The following CRTAM variants were observed in gnomAD, a reference collection of about 807,000 sequenced individuals.
The protein encoded by CRTAM is cytotoxic and regulatory T cell molecule.
Under a neutral mutation model 50.0 loss-of-function variants are expected in CRTAM, and 44 were observed. The ratio of observed to expected loss-of-function variants is 0.88; its 90% confidence interval spans 0.69 to 1.13. The LOEUF (loss-of-function observed/expected upper bound fraction) is 1.13, where lower values mean the gene tolerates loss of function less well. Among genes scored for constraint, CRTAM ranks in the 50% most tolerant of loss-of-function variants. The probability of loss-of-function intolerance (pLI) is 0.00; values close to 1 mark genes in which losing one functional copy is unlikely to be tolerated. For missense variants in CRTAM, 448 were observed against 457.5 expected (o/e 0.98, Z 0.19); for synonymous variants, 159 against 169.3 (o/e 0.94, Z 0.47).
chr11:122,866,073 C>T (rs1439391985), intron 7 of CRTAM, among the ~76,000 whole-genome samples: 1 of 152,180 alleles, frequency 6.6e-6, no homozygotes, highest in Non-Finnish European at 1.5e-5. Context: ...CCCTTTATAG[C>T]TTCCTGAAGT....
chr11:122,845,107 A>G (rs905642858), intron 1 of CRTAM, among the ~76,000 whole-genome samples: 3 of 152,170 alleles, frequency 2.0e-5, no homozygotes, highest in African/African-American at 7.2e-5. Context: ...GATGAGAAGA[A>G]CCCGGAAATA....
intron 2 of CRTAM, 89 bp from the exon 3 acceptor site, chr11:122,851,604 C>A: frequency 1.8e-6 from 2 of 1,130,024 alleles, no homozygotes; most frequent in Non-Finnish European, 1.3e-6. Context: ...ATGTAGAAAG[C>A]GGGGCAGTGC....
intron 1 of CRTAM, among the ~76,000 whole-genome samples, chr11:122,840,190 A>G (rs1479939617): frequency 3.3e-5 from 5 of 152,194 alleles, no homozygotes; most frequent in Admixed American, 6.5e-5. Flanking sequence ...TTACTTAAAT[A>G]TTATTTATAT....
intron 5 of CRTAM, among the ~76,000 whole-genome samples, chr11:122,861,151 C>T (rs1862068334): frequency 6.6e-6 from 1 of 151,890 alleles, no homozygotes; most frequent in African/African-American, 2.4e-5. Context: ...ATACTATTAT[C>T]TCTATAATGT....
intron 5 of CRTAM, chr11:122,862,239 G>A: frequency 3.6e-6 from 2 of 558,794 alleles, no homozygotes; most frequent in Non-Finnish European, 3.2e-6. Flanking sequence ...CCACACAGAG[G>A]TCCAGCATGC....
intron 9 of CRTAM, 27 bp from the exon 10 acceptor site, chr11:122,871,242 T>C (rs1862248196): frequency 2.5e-6 from 4 of 1,588,424 alleles, no homozygotes; most frequent in African/African-American, 2.7e-5. Flanking sequence ...AAAATAAATA[T>C]TCATCTTCAA....
intron 8 of CRTAM, 67 bp from the exon 9 acceptor site, chr11:122,867,946 A>T: frequency 1.1e-6 from 1 of 951,450 alleles, no homozygotes; most frequent in Non-Finnish European, 1.7e-6. Flanking sequence ...GTATTATCTT[A>T]TTCAAATATA....
At chr11:122,849,487 C>T (rs532048852) in intron 1 of CRTAM, among the ~76,000 whole-genome samples, 2 of 152,036 alleles carry the variant, frequency 1.3e-5, no homozygotes, top group Non-Finnish European at 2.9e-5. Context: ...TTTGGGAGGC[C>T]GAGGTGGGCA....
chr11:122,841,643 G>A (rs915695727), intron 1 of CRTAM, among the ~76,000 whole-genome samples: 1 of 151,880 alleles, frequency 6.6e-6, no homozygotes, highest in Non-Finnish European at 1.5e-5. Context: ...CTCATGATCC[G>A]CCTGCCTCAG....
chr11:122,851,659 T>C, intron 2 of CRTAM, 34 bp from the exon 3 acceptor site: 1 of 1,609,268 alleles, frequency 6.2e-7, no homozygotes, highest in South Asian at 1.1e-5. Flanking sequence ...TCGGATATCT[T>C]TCCTCATAAC....
chr11:122,868,935 G>A (rs1022768150), intron 9 of CRTAM, among the ~76,000 whole-genome samples: 9 of 152,094 alleles, frequency 5.9e-5, no homozygotes, highest in African/African-American at 2.2e-4. Flanking sequence ...CGTGAACCCG[G>A]GAGGCGGAGC....
At position 122,854,049 on chromosome 11, in the gene CRTAM, G is replaced by A. The variant is rs1861970704; in HGVS notation, c.453G>A (p.Gln151=). The change falls in exon 4 of 10, where the codon CAG becomes CAA. Residue 151 remains glutamine (Q), a synonymous_variant. Coordinates refer to ENST00000227348, the MANE Select transcript of CRTAM (RefSeq NM_019604.4). ...CCATGAGAAGCAAGCCCCCTCCGCAGATAACCTGGCTACTTGGGAATAGCA... is the reference window on the plus strand; with the variant it reads ...CCATGAGAAGCAAGCCCCCTCCGCAAATAACCTGGCTACTTGGGAATAGCA... The part of the protein sequence containing the change: ...CSTMRSKPPP[Q]ITWLLGNSME... 2 of 1,614,096 alleles carry A rather than the reference G, an allele frequency of 1.2e-6. No individual in the cohort carries two copies. Among genetic ancestry groups the A allele is most frequent in the South Asian group, 1.1e-5 (1 of 91,048 alleles).
Position 122,871,350 on chromosome 11 carries a change from A to T in CRTAM, c.1133A>T (p.His378Leu), listed in dbSNP as rs1446841743. 6.2e-7 allele frequency: 1 copy of T among 1,613,898 alleles called. No individual in the cohort carries two copies. Among genetic ancestry groups the T allele is most frequent in the South Asian group, 1.1e-5 (1 of 91,058 alleles). The change falls in exon 10 of 10, where the codon CAT becomes CTT. Residue 378 changes from histidine (H) to leucine (L), a missense_variant. Coordinates refer to ENST00000227348, the MANE Select transcript of CRTAM (RefSeq NM_019604.4). ...ACAAAGAGGAAGGAAAATGTACAAC[A>T]TTCAAAATTAGAAGAAAAGCACATC... is the stretch of plus-strand genomic sequence containing the variant. ...AKTKRKENVQHSKLEEKHIQV... is the reference protein window; with the variant it reads ...AKTKRKENVQLSKLEEKHIQV...
chr11:122,864,720 G>C lies in CRTAM; in HGVS notation c.817+1G>C, dbSNP rs751560940. 25 of 1,602,452 alleles carry C rather than the reference G, an allele frequency of 1.6e-5. No homozygotes were observed. The highest frequency in any genetic ancestry group is 1.7e-5 in the Admixed American group (1 of 59,958). On this transcript the variant is annotated splice_donor_variant, in intron 7 of 9. Coordinates refer to ENST00000227348, the MANE Select transcript of CRTAM (RefSeq NM_019604.4). LOFTEE classifies it high-confidence loss of function. ...ACTCAAGATCCTGACTTGACCACCGGTAAGTGTCACCCACTGCATTTAGAA... is the reference window on the plus strand; with the variant it reads ...ACTCAAGATCCTGACTTGACCACCGCTAAGTGTCACCCACTGCATTTAGAA...
chr11:122,854,140 AT>A, intron 4 of CRTAM, 54 bp downstream of exon 4: 2 of 1,583,772 alleles, frequency 1.3e-6, no homozygotes, highest in Non-Finnish European at 1.7e-6. Context: ...TTTCCAGGGG[AT>A]TTTTAAATGT....
chr11:122,868,234 G>GTA, intron 9 of CRTAM, 135 bp downstream of exon 9: 2 of 543,290 alleles, frequency 3.7e-6, no homozygotes, highest in Non-Finnish European at 6.4e-6. Flanking sequence ...GTGTGTGTGT[G>GTA]TGTATGAGGT....
intron 5 of CRTAM, among the ~76,000 whole-genome samples, chr11:122,858,275 AAGGC>A: frequency 6.6e-6 from 1 of 151,750 alleles, no homozygotes; most frequent in South Asian, 2.1e-4. Flanking sequence ...CCCAGGCTGG[AAGGC>A]AGTGACACAG....
rs201096769 is a variant in CRTAM, at chr11:122,865,042, TA to T, written c.817+324del. Among the ~76,000 whole-genome samples, 243 of 152,110 alleles carry T rather than the reference TA, an allele frequency of 1.6e-3. 3 individuals carry two copies. The highest frequency in any genetic ancestry group is 5.5e-3 in the African/African-American group (227 of 41,520). ...TTCTTCCCTTTTTTTTATATATATATATTTTTTTTGTGAGACAGAGTTTCTT... is the reference window on the plus strand; with the variant it reads ...TTCTTCCCTTTTTTTTATATATATATTTTTTTTTGTGAGACAGAGTTTCTT... On this transcript the variant is annotated intron_variant, in intron 7 of 9. Coordinates refer to ENST00000227348, the MANE Select transcript of CRTAM (RefSeq NM_019604.4).
Position 122,851,793 on chromosome 11 carries a change from C to T in CRTAM, c.294C>T (p.Cys98=). 6.2e-7 allele frequency: 1 copy of T among 1,614,104 alleles called. No homozygotes were observed. The highest frequency in any genetic ancestry group is 8.5e-7 in the Non-Finnish European group (1 of 1,179,958). The change falls in exon 3 of 10, where the codon TGC becomes TGT. Residue 98 remains cysteine (C), a synonymous_variant. Coordinates refer to ENST00000227348, the MANE Select transcript of CRTAM (RefSeq NM_019604.4). ...TGCAAGATGAAGGCGTGTACAAGTG[C>T]TTACATTACAGCGACTCTGTAAGCA... ...VTLQDEGVYK[C]LHYSDSVSTK...
Sources: allele counts gnomAD v4.1 joint callset (sites outside exome capture counted in the v4.1 genomes callset), GRCh38; gene constraint gnomAD v4.1.1; transcripts MANE v1.5; gene names NCBI Gene and HGNC (gene_info 2026-07-23, HGNC 2026-07-21).